CCDC3: variants seen among roughly 807,000 people sequenced by gnomAD.
CCDC3 encodes the protein coiled-coil domain-containing protein 3.
In CCDC3, 24 loss-of-function variants were observed where a neutral mutation model predicts 21.4. The observed-to-expected ratio is 1.12, with a 90% confidence interval of 0.81 to 1.58. CCDC3 has a LOEUF of 1.58. Among genes scored for constraint, CCDC3 ranks in the 40% most tolerant of loss-of-function variants. The pLI is 0.00. For missense variants in CCDC3, 425 were observed against 360.9 expected (o/e 1.18, Z -1.44); for synonymous variants, 186 against 166.0 (o/e 1.12, Z -0.93).
chr10:13,062,459 C>T (rs1172006543), intron 4 of CCDC3, among the ~76,000 whole-genome samples: 1 of 152,126 alleles, frequency 6.6e-6, no homozygotes, highest in Non-Finnish European at 1.5e-5. Flanking sequence ...CTGTGCCACA[C>T]TATTTTATAT....
rs75272206 is a variant in CCDC3 at position 13,009,694 on chromosome 10, C to T, written c.-1-11182G>A. Among the ~76,000 whole-genome samples, 682 of 152,254 alleles carry T rather than the reference C, an allele frequency of 4.5e-3. 26 individuals carry two copies. The South Asian group carries it at 0.072, about 16-fold the overall frequency. On this transcript the variant is annotated intron_variant, in intron 5 of 6. Transcript: ENST00000378839. The stretch of plus-strand genomic sequence containing the variant: ...ATTGGAAAAAGAACGACCTTTTGAA[C>T]AAATGGTGCTAGAACAATTGAGGGA...
intron 3 of CCDC3, among the ~76,000 whole-genome samples, chr10:13,082,325 G>A (rs1044230321): frequency 4.6e-5 from 7 of 151,896 alleles, no homozygotes; most frequent in Non-Finnish European, 7.4e-5. Flanking sequence ...CAGCCAAGGC[G>A]GAGAGAGAGG....
rs149672226 is a variant in CCDC3, at chr10:12,952,937, T to C, written c.549+45401A>G. Among the ~76,000 whole-genome samples the C allele has an allele frequency of 1.0e-3, 153 of 152,316 alleles. 1 individual carries two copies. Among genetic ancestry groups the C allele is most frequent in the African/African-American group, 3.5e-3 (146 of 41,560 alleles). On this transcript the variant is annotated intron_variant, in intron 2 of 2. Coordinates refer to ENST00000378825, the MANE Select transcript of CCDC3 (RefSeq NM_031455.4). Reference sequence around the variant, plus strand: ...GTTTTACTCTGCTTTCCTTCAGATTTTGAGCTTCTTGAGGGCTACAGTTGA... The same window carrying C: ...GTTTTACTCTGCTTTCCTTCAGATTCTGAGCTTCTTGAGGGCTACAGTTGA...
chr10:12,978,247 G>A (rs1315076592), intron 2 of CCDC3, among the ~76,000 whole-genome samples: 1 of 151,952 alleles, frequency 6.6e-6, no homozygotes, highest in African/African-American at 2.4e-5. Flanking sequence ...TCAAACTCCT[G>A]ACCTCAGGTG....
chr10:12,942,415 C>G (rs1252074527), intron 2 of CCDC3, among the ~76,000 whole-genome samples: 2 of 152,162 alleles, frequency 1.3e-5, no homozygotes, highest in East Asian at 3.9e-4. Context: ...GCTCCAAAGT[C>G]ATTTCTTTTC....
intron 5 of CCDC3, among the ~76,000 whole-genome samples, chr10:13,029,132 C>T (rs903936489): frequency 1.3e-5 from 2 of 152,142 alleles, no homozygotes; most frequent in Non-Finnish European, 2.9e-5. Flanking sequence ...CTTTCTGATT[C>T]CACTGCCCAC....
chr10:13,063,477 C>A (rs930277485), intron 4 of CCDC3, among the ~76,000 whole-genome samples: 5 of 152,128 alleles, frequency 3.3e-5, no homozygotes, highest in Non-Finnish European at 4.4e-5. Context: ...TCTCTAGGGG[C>A]AGATAGGAAT....
intron 3 of CCDC3, among the ~76,000 whole-genome samples, chr10:13,076,464 A>T (rs1374747210): frequency 1.3e-5 from 2 of 152,250 alleles, no homozygotes; most frequent in Non-Finnish European, 2.9e-5. Flanking sequence ...TGTCCTGTGT[A>T]GAAAGCAAAA....
intron 2 of CCDC3, among the ~76,000 whole-genome samples, chr10:12,936,923 C>G (rs540161510): frequency 6.6e-6 from 1 of 152,264 alleles, no homozygotes; most frequent in South Asian, 2.1e-4. Flanking sequence ...GATCCTGTCT[C>G]AACTAACTAA....
rs1027966981 is a variant in CCDC3 at position 12,916,362 on chromosome 10, G to A, written c.550-17683C>T. ...CAGGAGAATCTCTTGAACCTGGGAG[G>A]CGGAGGTTGAGCTGAGATCGTGCCA... On this transcript the variant is annotated intron_variant, in intron 2 of 2. Coordinates refer to ENST00000378825, the MANE Select transcript of CCDC3 (RefSeq NM_031455.4). 2.8e-4 allele frequency among the ~76,000 whole-genome samples: 42 copies of A among 151,760 alleles called. 1 individual carries two copies. The highest frequency in any genetic ancestry group is 1.0e-3 in the African/African-American group (42 of 41,296).
chr10:12,917,780 C>T (rs764147929), intron 2 of CCDC3, among the ~76,000 whole-genome samples: 17 of 152,154 alleles, frequency 1.1e-4, no homozygotes, highest in Non-Finnish European at 2.5e-4. Context: ...TGACTCTTTA[C>T]TTTACCGTAG....
intron 5 of CCDC3, among the ~76,000 whole-genome samples, chr10:13,008,531 A>G (rs1835950209): frequency 6.6e-6 from 1 of 152,258 alleles, no homozygotes; most frequent in Non-Finnish European, 1.5e-5. Context: ...AAATCTATTA[A>G]GGAGGATGGA....
chr10:12,965,131 T>TA (rs371809264), intron 2 of CCDC3, among the ~76,000 whole-genome samples: 9 of 152,162 alleles, frequency 5.9e-5, no homozygotes, highest in African/African-American at 2.2e-4. Context: ...TCTGAGGGTC[T>TA]ATTCATCTTT....
At chr10:12,988,314 T>A (rs1835628398) in intron 2 of CCDC3, among the ~76,000 whole-genome samples, 1 of 152,138 alleles carries the variant, frequency 6.6e-6, no homozygotes, top group Non-Finnish European at 1.5e-5. Context: ...AGTTTAAAAG[T>A]CATCTCTTCA....
At chr10:12,960,701 G>C (rs1223729059) in intron 2 of CCDC3, among the ~76,000 whole-genome samples, 2 of 152,178 alleles carry the variant, frequency 1.3e-5, no homozygotes, top group Non-Finnish European at 2.9e-5. Context: ...GAGAGCTCAA[G>C]GCTGCGGGAC....
intron 5 of CCDC3, among the ~76,000 whole-genome samples, chr10:13,037,952 T>C (rs11258149): frequency 2.0e-5 from 3 of 151,874 alleles, no homozygotes; most frequent in African/African-American, 7.3e-5. Flanking sequence ...ACTAACAACT[T>C]AGACCCTAAG....
At chr10:12,996,997 C>A (rs915057229) in intron 2 of CCDC3, among the ~76,000 whole-genome samples, 15 of 152,036 alleles carry the variant, frequency 9.9e-5, no homozygotes, top group Admixed American at 9.8e-4. Flanking sequence ...GGGTGCGAAA[C>A]GATTGGTATA....
chr10:13,075,823 C>T (rs549438022), intron 3 of CCDC3, among the ~76,000 whole-genome samples: 7 of 152,120 alleles, frequency 4.6e-5, no homozygotes, highest in East Asian at 1.9e-4. Context: ...CCAAGGTGAG[C>T]GGATCACTTG....
chr10:13,043,062 A>G (rs1349275733), intron 5 of CCDC3, among the ~76,000 whole-genome samples: 1 of 152,126 alleles, frequency 6.6e-6, no homozygotes, highest in Non-Finnish European at 1.5e-5. Context: ...GAAAACTTTT[A>G]AAAAATAATT....
Sources: allele counts gnomAD v4.1 joint callset (sites outside exome capture counted in the v4.1 genomes callset), GRCh38; gene constraint gnomAD v4.1.1; transcripts MANE v1.5; gene names NCBI Gene and HGNC (gene_info 2026-07-23, HGNC 2026-07-21).